KIAA1549: variants seen among roughly 807,000 people sequenced by gnomAD.
KIAA1549 encodes KIAA1549.
KIAA1549 carries 70 observed loss-of-function variants against 156.4 expected under a neutral mutation model. The ratio of observed to expected loss-of-function variants is 0.45; its 90% CI spans 0.37 to 0.55. The LOEUF is 0.55. Ranked by LOEUF, KIAA1549 falls within the 20% of genes least tolerant of loss-of-function variation. The probability of loss-of-function intolerance (pLI) is 0.00; values close to 1 mark genes in which losing one functional copy is unlikely to be tolerated. For synonymous variants in KIAA1549, 1,103 were observed against 1,066.4 expected (o/e 1.03, Z -0.67); for missense variants, 2,428 against 2,540.9 (o/e 0.96, Z 0.96).
At chr7:138,932,378 C>T (rs548800000) in intron 1 of KIAA1549, among the ~76,000 whole-genome samples, 1 of 151,418 alleles carries the variant, frequency 6.6e-6, no homozygotes, top group South Asian at 2.1e-4. Flanking sequence ...CAGAGAAAGA[C>T]AGCATGTCTG....
At chr7:138,871,398 G>A (rs1810934957) in intron 12 of KIAA1549, 36 bp from the exon 13 acceptor site, 1 of 1,474,770 alleles carries the variant, frequency 6.8e-7, no homozygotes, top group African/African-American at 1.4e-5. Flanking sequence ...CATACACGAA[G>A]TCATCTAAAG....
chr7:138,941,858 G>T (rs1274660472), intron 1 of KIAA1549, among the ~76,000 whole-genome samples: 1 of 152,144 alleles, frequency 6.6e-6, no homozygotes, highest in Admixed American at 6.5e-5. Context: ...TAAGATGAGG[G>T]AGCCTAAACT....
intron 1 of KIAA1549, among the ~76,000 whole-genome samples, chr7:138,952,165 A>G (rs1813520809): frequency 6.6e-6 from 1 of 152,230 alleles, no homozygotes; most frequent in Admixed American, 6.5e-5. Context: ...TTCTGACTCA[A>G]TGTGGCTGAG....
intron 16 of KIAA1549, among the ~76,000 whole-genome samples, chr7:138,853,150 T>A (rs977404034): frequency 6.6e-6 from 1 of 152,188 alleles, no homozygotes; most frequent in African/African-American, 2.4e-5. Flanking sequence ...ATGGGCAGAG[T>A]CTGTCCAGCG....
At chr7:138,841,774 G>A (rs921669868) in intron 18 of KIAA1549, among the ~76,000 whole-genome samples, 1 of 151,876 alleles carries the variant, frequency 6.6e-6, no homozygotes, top group African/African-American at 2.4e-5. Flanking sequence ...TGTTGGCCAG[G>A]CTGGTCTTGA....
chr7:138,907,608 G>A (rs917815755), intron 5 of KIAA1549, among the ~76,000 whole-genome samples: 7 of 152,168 alleles, frequency 4.6e-5, no homozygotes, highest in Admixed American at 4.6e-4. Flanking sequence ...AGGCTACACA[G>A]TGGTAATCAG....
At chr7:138,935,856 G>A (rs565743093) in intron 1 of KIAA1549, among the ~76,000 whole-genome samples, 2 of 152,152 alleles carry the variant, frequency 1.3e-5, no homozygotes, top group East Asian at 1.9e-4. Context: ...GGGTCACGCC[G>A]GCTGGAAGCA....
intron 12 of KIAA1549, among the ~76,000 whole-genome samples, chr7:138,877,637 GAAGTA>G (rs1378391044): frequency 3.3e-5 from 5 of 152,178 alleles, no homozygotes; most frequent in African/African-American, 1.2e-4. Flanking sequence ...CACCTTTCAA[GAAGTA>G]AAGTTCTAAA....
At chr7:138,897,892 CAAAAAAAAAAAAAA>C (rs59242488) in intron 9 of KIAA1549, among the ~76,000 whole-genome samples, 593 of 27,508 alleles carry the variant, frequency 0.022, 19 homozygotes, top group South Asian at 0.055. Flanking sequence ...GACCCTTTCT[CAAAAAAAAAAAAAA>C]AAAAAAAAAA....
intron 1 of KIAA1549, among the ~76,000 whole-genome samples, chr7:138,969,130 A>G (rs536719722): frequency 1.3e-5 from 2 of 152,280 alleles, no homozygotes; most frequent in African/African-American, 4.8e-5. Flanking sequence ...CTTTGTGTTC[A>G]TAAGTTACGA....
rs1167757149 is a variant in KIAA1549 at position 138,981,319 on chromosome 7, C to T, written c.-50G>A. 6 of 793,020 alleles carry T rather than the reference C, an allele frequency of 7.6e-6. No homozygotes were observed. Among genetic ancestry groups the T allele is most frequent in the African/African-American group, 3.8e-5 (2 of 52,898 alleles). 49.1% of individuals were successfully genotyped at this position (793,020 alleles called of 1,614,324 possible). ...CTCGCGGCTCAGCGGCTCTCGGGTC[C>T]GGGAGGGGCGGCCGCTGCGGCTGCG... On this transcript the variant is annotated 5_prime_UTR_variant, in exon 1 of 20. Transcript: ENST00000422774. The surrounding 1 kb of genome is among the most constrained non-coding windows in gnomAD (Gnocchi z 4.5).
chr7:138,965,045 T>C (rs1813977391), intron 1 of KIAA1549, among the ~76,000 whole-genome samples: 1 of 151,790 alleles, frequency 6.6e-6, no homozygotes, highest in African/African-American at 2.4e-5. Flanking sequence ...ACTGCAGCCT[T>C]AACCTCCTCT....
At chr7:138,925,608 C>T (rs950529624) in intron 1 of KIAA1549, among the ~76,000 whole-genome samples, 4 of 151,930 alleles carry the variant, frequency 2.6e-5, no homozygotes, top group Non-Finnish European at 4.4e-5. Flanking sequence ...GGGAGGCGAG[C>T]GAATGGCTTG....
chr7:138,890,331 A>G (rs1014256868), intron 10 of KIAA1549, among the ~76,000 whole-genome samples: 3 of 152,284 alleles, frequency 2.0e-5, no homozygotes, highest in Non-Finnish European at 4.4e-5. Flanking sequence ...AGATGACAAT[A>G]GAAACACAGA....
chr7:138,957,053 G>C (rs1286174797), intron 1 of KIAA1549, among the ~76,000 whole-genome samples: 1 of 152,176 alleles, frequency 6.6e-6, no homozygotes, highest in East Asian at 1.9e-4. Flanking sequence ...TCTTCCTGAG[G>C]GAAGTACAGA....
rs180771310 is a variant in KIAA1549, at chr7:138,833,915, C to T, written c.*3991G>A. ...CCTCTTCCTTCTCTTCTGAAACTCCCTCAATAGTGCAGTCGGGGATTCTGT... is the reference window on the plus strand; with the variant it reads ...CCTCTTCCTTCTCTTCTGAAACTCCTTCAATAGTGCAGTCGGGGATTCTGT... On this transcript the variant is annotated 3_prime_UTR_variant, in exon 20 of 20. Transcript: ENST00000422774. 519 of 232,444 alleles carry T rather than the reference C, an allele frequency of 2.2e-3. 3 individuals are homozygous for T. In the South Asian group the frequency reaches 0.027, roughly 12 times the overall value. The allele number at this position is 232,444 out of a possible 1,614,324, so 14.4% of individuals were successfully genotyped here. A position where few individuals can be genotyped will look rare whatever the true frequency, so the allele number is the denominator to read the frequency against.
chr7:138,893,162 C>T (rs190899731), intron 10 of KIAA1549, among the ~76,000 whole-genome samples: 19 of 152,224 alleles, frequency 1.2e-4, no homozygotes, highest in South Asian at 2.1e-4. Context: ...TTGAAACATA[C>T]GTTGGAAAAG....
At chr7:138,877,192 T>C (rs1811110279) in intron 12 of KIAA1549, among the ~76,000 whole-genome samples, 1 of 152,210 alleles carries the variant, frequency 6.6e-6, no homozygotes, top group African/African-American at 2.4e-5. Flanking sequence ...AAGAAATATT[T>C]TTATGTGAAT....
chr7:138,901,164 CA>C (rs936556219), intron 8 of KIAA1549, among the ~76,000 whole-genome samples: 4 of 151,914 alleles, frequency 2.6e-5, no homozygotes, highest in South Asian at 2.1e-4. Context: ...AAAACACATG[CA>C]AAAAATATAT....
Sources: allele counts gnomAD v4.1 joint callset (sites outside exome capture counted in the v4.1 genomes callset), GRCh38; gene constraint gnomAD v4.1.1; non-coding constraint Gnocchi (gnomAD v3.1); transcripts MANE v1.5; gene names NCBI Gene and HGNC (gene_info 2026-07-23, HGNC 2026-07-21).